INPP4B: variants seen among roughly 807,000 people sequenced by gnomAD.
The protein encoded by INPP4B is inositol polyphosphate-4-phosphatase type II B, also known as inositol polyphosphate 4-phosphatase type II.
In INPP4B, 55 loss-of-function variants were observed where a neutral mutation model predicts 122.5. The ratio of observed to expected loss-of-function variants is 0.45; its 90% CI spans 0.36 to 0.56. INPP4B has a LOEUF of 0.56. Among genes scored for constraint, INPP4B ranks in the 20% least tolerant of loss-of-function variants. INPP4B has a pLI of 0.00. For synonymous variants in INPP4B, 403 were observed against 388.7 expected, an observed-to-expected ratio of 1.04 and a Z score of -0.43; for missense variants, 1,000 against 1,097.7, an observed-to-expected ratio of 0.91 and a Z score of 1.26.
intron 2 of INPP4B, among the ~76,000 whole-genome samples, chr4:142,576,656 C>T (rs1366827541): frequency 6.6e-6 from 1 of 151,898 alleles, no homozygotes; most frequent in Non-Finnish European, 1.5e-5. Flanking sequence ...TCAGTTACAC[C>T]TTTTAAACCA....
intron 1 of INPP4B, among the ~76,000 whole-genome samples, chr4:142,778,593 C>T (rs1241991603): frequency 6.6e-6 from 1 of 152,034 alleles, no homozygotes; most frequent in African/African-American, 2.4e-5. Flanking sequence ...ATATGGCACG[C>T]TTCCATCAGT....
intron 2 of INPP4B, among the ~76,000 whole-genome samples, chr4:142,519,349 T>A (rs1166630231): frequency 2.6e-5 from 4 of 152,180 alleles, no homozygotes; most frequent in Non-Finnish European, 4.4e-5. Context: ...ATATGCTAAT[T>A]AATTTGTAGC....
intron 2 of INPP4B, among the ~76,000 whole-genome samples, chr4:142,695,145 T>G (rs1053554011): frequency 6.6e-6 from 1 of 152,132 alleles, no homozygotes; most frequent in Non-Finnish European, 1.5e-5. Flanking sequence ...ATGTATAAAT[T>G]CTACAAAACA....
intron 10 of INPP4B, among the ~76,000 whole-genome samples, chr4:142,268,322 C>CAAAAAAAAAAAAAAAAAAAAAA (rs56908599): frequency 0.012 from 81 of 6,900 alleles, 29 homozygotes; most frequent in Non-Finnish European, 0.022. Context: ...GACTCCGTCT[C>CAAAAAAAAAAAAAAAAAAAAAA]AAAAAAAAAA....
intron 2 of INPP4B, among the ~76,000 whole-genome samples, chr4:142,676,770 G>A (rs1757854328): frequency 6.6e-6 from 1 of 152,102 alleles, no homozygotes; most frequent in African/African-American, 2.4e-5. Context: ...AATGGTGTTG[G>A]GAAAACTGGC....
chr4:142,631,586 G>C (rs1747964067), intron 2 of INPP4B, among the ~76,000 whole-genome samples: 1 of 152,004 alleles, frequency 6.6e-6, no homozygotes, highest in Non-Finnish European at 1.5e-5. Context: ...GGACTCAAGA[G>C]ATCTTACAAA....
At position 142,145,827 on chromosome 4, in the gene INPP4B, A is replaced by T; in HGVS notation, c.1720+13T>A. ...TACTCAGTAAATGATTGGGAAAAAA[A>T]ATTATTTCTTACCTCTTGGGTGAGA... On this transcript the variant is annotated intron_variant, in intron 18 of 25. Transcript: ENST00000262992. The T allele has an allele frequency of 6.2e-7, 1 of 1,610,896 alleles. No individual in the cohort carries two copies. Among genetic ancestry groups the T allele is most frequent in the Non-Finnish European group, 8.5e-7 (1 of 1,178,644 alleles).
intron 1 of INPP4B, among the ~76,000 whole-genome samples, chr4:142,727,968 A>G (rs1388823253): frequency 6.6e-6 from 1 of 152,196 alleles, no homozygotes; most frequent in Non-Finnish European, 1.5e-5. Flanking sequence ...CACAAAAGAG[A>G]ACTCTGAAGT....
intron 1 of INPP4B, among the ~76,000 whole-genome samples, chr4:142,841,936 A>C (rs958363193): frequency 6.6e-6 from 1 of 151,842 alleles, no homozygotes; most frequent in Non-Finnish European, 1.5e-5. Flanking sequence ...TATTTTCATA[A>C]CCAGAAGAGT....
chr4:142,474,802 C>T (rs901334052), intron 2 of INPP4B, among the ~76,000 whole-genome samples: 2 of 152,152 alleles, frequency 1.3e-5, no homozygotes, highest in African/African-American at 4.8e-5. Context: ...CCTGCCCCTA[C>T]CTCTCTTAGC....
intron 25 of INPP4B, among the ~76,000 whole-genome samples, chr4:142,038,968 C>G (rs753455725): frequency 6.6e-6 from 1 of 152,064 alleles, no homozygotes; most frequent in Non-Finnish European, 1.5e-5. Context: ...TTATCCCTGT[C>G]TGTCTAATGA....
At chr4:142,466,963 G>A (rs1379837039) in intron 2 of INPP4B, among the ~76,000 whole-genome samples, 1 of 152,190 alleles carries the variant, frequency 6.6e-6, no homozygotes, top group Non-Finnish European at 1.5e-5. Flanking sequence ...AAGCCTGCAG[G>A]TGCACAGAAT....
chr4:142,279,822 G>A (rs1421959996), intron 9 of INPP4B, among the ~76,000 whole-genome samples: 1 of 151,826 alleles, frequency 6.6e-6, no homozygotes, highest in Admixed American at 6.6e-5. Flanking sequence ...CTACTGACTT[G>A]GAGAAAACAT....
chr4:142,468,285 G>A (rs571249867), intron 2 of INPP4B, among the ~76,000 whole-genome samples: 30 of 152,236 alleles, frequency 2.0e-4, no homozygotes, highest in African/African-American at 7.0e-4. Flanking sequence ...GCCTTGTGCT[G>A]ACCCCAAATA....
At chr4:142,099,840 T>C (rs1370612436) in intron 23 of INPP4B, among the ~76,000 whole-genome samples, 1 of 152,162 alleles carries the variant, frequency 6.6e-6, no homozygotes. Context: ...TGTTTTAACA[T>C]TCTGGGAAAT....
intron 9 of INPP4B, among the ~76,000 whole-genome samples, chr4:142,286,365 T>C (rs1162193831): frequency 6.6e-6 from 1 of 152,200 alleles, no homozygotes; most frequent in Non-Finnish European, 1.5e-5. Flanking sequence ...AGAAAAAGAA[T>C]ATATTTTGGT....
chr4:142,837,862 T>TA (rs1475654314), intron 1 of INPP4B, among the ~76,000 whole-genome samples: 2 of 151,972 alleles, frequency 1.3e-5, no homozygotes, highest in South Asian at 2.1e-4. Flanking sequence ...ACAAGGAATA[T>TA]AAAAAAATGA....
chr4:142,505,970 T>C (rs1294267005), intron 2 of INPP4B, among the ~76,000 whole-genome samples: 2 of 152,190 alleles, frequency 1.3e-5, no homozygotes, highest in Non-Finnish European at 2.9e-5. Context: ...ACCCACCACA[T>C]GCCAGGCTCT....
At chr4:142,812,900 G>C (rs1191987958) in intron 1 of INPP4B, among the ~76,000 whole-genome samples, 2 of 152,118 alleles carry the variant, frequency 1.3e-5, no homozygotes, top group South Asian at 4.2e-4. Context: ...TCACATATGG[G>C]GGATTTTCAT....
Sources: allele counts gnomAD v4.1 joint callset (sites outside exome capture counted in the v4.1 genomes callset), GRCh38; gene constraint gnomAD v4.1.1; transcripts MANE v1.5; gene names NCBI Gene and HGNC (gene_info 2026-07-23, HGNC 2026-07-21).